NPHP1: variants seen among roughly 807,000 people sequenced by gnomAD.
NPHP1 encodes the protein nephrocystin 1, also known as nephrocystin-1.
In NPHP1, 70 loss-of-function variants were observed where a neutral mutation model predicts 90.4. The ratio of observed to expected loss-of-function variants is 0.77; its 90% confidence interval spans 0.64 to 0.95. NPHP1 has a LOEUF of 0.95. NPHP1 is among the 40% of genes least tolerant of loss of function. The pLI, the probability that NPHP1 is intolerant of heterozygous loss-of-function variation, is 0.00. For synonymous variants in NPHP1, 256 were observed against 271.7 expected (o/e 0.94, Z 0.57); for missense variants, 764 against 795.9 (o/e 0.96, Z 0.48).
Position 110,134,840 on chromosome 2 carries a change from T to C in NPHP1, c.1530-3049A>G, listed in dbSNP as rs528533259. On this transcript the variant is annotated intron_variant, in intron 16 of 19. Transcript: ENST00000445609. ...ATAGAAAGAAACTACTGCAACATAA[T>C]AAAGGCCATATATGAAAAGCCCACA... Among the ~76,000 whole-genome samples, 198 of 152,056 alleles carry C rather than the reference T, an allele frequency of 1.3e-3. 2 individuals carry two copies. Among genetic ancestry groups the C allele is most frequent in the African/African-American group, 4.7e-3 (193 of 41,500 alleles).
chr2:110,132,751 G>A (rs1050306663), intron 16 of NPHP1, among the ~76,000 whole-genome samples: 6 of 152,082 alleles, frequency 3.9e-5, no homozygotes, highest in Non-Finnish European at 7.4e-5. Flanking sequence ...ATTCAACATC[G>A]AAGTTAAATT....
intron 18 of NPHP1, chr2:110,126,438 A>G (rs1393774094): frequency 1.3e-5 from 2 of 152,392 alleles, no homozygotes; most frequent in African/African-American, 2.4e-5. Context: ...GAGATTCTCC[A>G]TAAAATAAAT....
chr2:110,192,652 G>A (rs1354711045), intron 2 of NPHP1, among the ~76,000 whole-genome samples: 3 of 152,026 alleles, frequency 2.0e-5, no homozygotes, highest in Admixed American at 6.6e-5. Flanking sequence ...AGGAAATACA[G>A]AAAACGCCAC....
At chr2:110,167,267 G>A (rs1386806938) in intron 6 of NPHP1, among the ~76,000 whole-genome samples, 1 of 151,886 alleles carries the variant, frequency 6.6e-6, no homozygotes, top group Non-Finnish European at 1.5e-5. Context: ...GGTAATTCTA[G>A]GTGGGCACCT....
chr2:110,165,265 T>C (rs1682647678), intron 6 of NPHP1, 110 bp from the exon 7 acceptor site: 5 of 863,912 alleles, frequency 5.8e-6, no homozygotes, highest in Non-Finnish European at 9.5e-6. Flanking sequence ...CAAGCTTTTC[T>C]GTTTAAAAAC....
In NPHP1 at chr2:110,146,783, A is replaced by G; in HGVS notation, c.1322T>C (p.Phe441Ser). Reference protein sequence around the residue: ...LSCGWVFLKLFDASGVPIPAK... With the variant: ...LSCGWVFLKLSDASGVPIPAK... ...TGGAATAGGAACTCCACTGGCATCAAAAAGTTTAAGAAACACCCAGCCACA... is the reference window on the plus strand; with the variant it reads ...TGGAATAGGAACTCCACTGGCATCAGAAAGTTTAAGAAACACCCAGCCACA... The change falls in exon 14 of 20, where the codon TTT becomes TCT. Residue 441 changes from phenylalanine (F) to serine (S), a missense_variant. Phe to Ser is a radical substitution (Grantham distance 155). Coordinates refer to ENST00000445609, the MANE Select transcript of NPHP1 (RefSeq NM_001128178.3). 1 of 1,613,560 alleles carries G rather than the reference A, an allele frequency of 6.2e-7. No homozygotes were observed. The highest frequency in any genetic ancestry group is 8.5e-7 in the Non-Finnish European group (1 of 1,179,520).
chr2:110,150,617 T>C (rs1399001776), intron 11 of NPHP1, among the ~76,000 whole-genome samples: 1 of 152,010 alleles, frequency 6.6e-6, no homozygotes, highest in African/African-American at 2.4e-5. Context: ...TGGCATGATC[T>C]AGGCTCACTG....
chr2:110,171,584 G>C (rs930401901), intron 4 of NPHP1, among the ~76,000 whole-genome samples: 7 of 152,070 alleles, frequency 4.6e-5, no homozygotes, highest in African/African-American at 7.2e-5. Flanking sequence ...ATGTCATATT[G>C]ATTTTCAACG....
At position 110,203,495 on chromosome 2, in the gene NPHP1, A is replaced by T. The variant is rs77957216; in HGVS notation, c.69+1405T>A. Among the ~76,000 whole-genome samples the T allele has an allele frequency of 8.3e-4, 126 of 152,244 alleles. 1 individual carries two copies. The East Asian group carries it at 0.014, about 17-fold the overall frequency. On this transcript the variant is annotated intron_variant, in intron 1 of 19. Transcript: ENST00000445609. ...ATAAGTCAATGCCCCATCAAGTTTT[A>T]TTTTTTATTTCTACCAGAAGAGTAT...
At chr2:110,135,476 CAAAAAAAAAA>C (rs66696927) in intron 16 of NPHP1, among the ~76,000 whole-genome samples, 2 of 15,116 alleles carry the variant, frequency 1.3e-4, no homozygotes, top group African/African-American at 1.8e-4. Flanking sequence ...GACCCCGTCT[CAAAAAAAAAA>C]AAAAAAAAAA....
intron 1 of NPHP1, chr2:110,202,441 G>A (rs141343853): frequency 1.7e-4 from 79 of 455,304 alleles, no homozygotes; most frequent in African/African-American, 1.2e-3. Context: ...TACAGACACC[G>A]AATAGAAAAT....
intron 18 of NPHP1, chr2:110,125,924 CTT>C (rs1679328278): frequency 1.8e-6 from 1 of 544,940 alleles, no homozygotes. Flanking sequence ...TCAAAACTAA[CTT>C]AAGAATAGAA....
chr2:110,137,885 T>C (rs1680323363), intron 16 of NPHP1, among the ~76,000 whole-genome samples: 2 of 151,040 alleles, frequency 1.3e-5, no homozygotes, highest in South Asian at 2.1e-4. Context: ...CGTATGTTTA[T>C]TGCGGCACTA....
chr2:110,145,128 TTTCAAAACTAACACATGC>T (rs1680924799), intron 14 of NPHP1, among the ~76,000 whole-genome samples: 1 of 152,148 alleles, frequency 6.6e-6, no homozygotes, highest in Admixed American at 6.5e-5. Context: ...ACACGGTGAA[TTTCAAAACTAACACATGC>T]TTCAAAACTA....
At chr2:110,138,429 T>C (rs1031299867) in intron 16 of NPHP1, among the ~76,000 whole-genome samples, 4 of 152,216 alleles carry the variant, frequency 2.6e-5, no homozygotes, top group Admixed American at 6.5e-5. Context: ...GTTATCTTGA[T>C]ATACAGCATG....
At chr2:110,178,057 A>G (rs1683628956) in intron 4 of NPHP1, 1 of 279,694 alleles carries the variant, frequency 3.6e-6, no homozygotes, top group Non-Finnish European at 6.7e-6. Context: ...TCAAATTTTT[A>G]AAGAATGTTT....
In NPHP1 at chr2:110,169,790, G is replaced by A; in HGVS notation, c.522+16C>T. ...ACATCGACCCTTAGGTTAGGTTTCA[G>A]TCTTATTCTACCTACCTTAAATGTA... is the stretch of plus-strand genomic sequence containing the variant. On this transcript the variant is annotated intron_variant, in intron 5 of 19. Transcript: ENST00000445609. 1.9e-6 allele frequency: 3 copies of A among 1,577,806 alleles called. No individual in the cohort carries two copies. Among genetic ancestry groups the A allele is most frequent in the South Asian group, 1.1e-5 (1 of 90,372 alleles).
intron 19 of NPHP1, chr2:110,125,192 T>A (rs1330580876): frequency 6.5e-7 from 1 of 1,531,912 alleles, no homozygotes; most frequent in Admixed American, 2.0e-5. Context: ...GACTCACCGA[T>A]TAAAGCAAGT....
chr2:110,158,915 T>C (rs969116828), intron 11 of NPHP1, among the ~76,000 whole-genome samples: 31 of 126,866 alleles, frequency 2.4e-4, no homozygotes, highest in Non-Finnish European at 5.0e-5. Flanking sequence ...AGGTTTTTTC[T>C]TGTTGCATTT....
Sources: allele counts gnomAD v4.1 joint callset (sites outside exome capture counted in the v4.1 genomes callset), GRCh38; gene constraint gnomAD v4.1.1; transcripts MANE v1.5; gene names NCBI Gene and HGNC (gene_info 2026-07-23, HGNC 2026-07-21).